The following RHOT1 variants were observed in gnomAD, a reference collection of about 807,000 sequenced individuals.
RHOT1 encodes mitochondrial Rho GTPase 1.
Under a neutral mutation model 95.3 loss-of-function variants are expected in RHOT1, and 27 were observed. That is an observed-to-expected ratio of 0.28 (90% CI 0.21 to 0.39). The LOEUF (loss-of-function observed/expected upper bound fraction) is 0.39, where lower values mean the gene tolerates loss of function less well. Among genes scored for constraint, RHOT1 ranks in the 10% least tolerant of loss-of-function variants. The pLI is 1.00. For missense variants in RHOT1, 578 were observed against 786.7 expected, an observed-to-expected ratio of 0.73 and a Z score of 3.17; for synonymous variants, 227 against 263.5, an observed-to-expected ratio of 0.86 and a Z score of 1.34.
chr17:32,149,689 TCACA>T (rs1221613373), intron 1 of RHOT1, among the ~76,000 whole-genome samples: 4 of 107,014 alleles, frequency 3.7e-5, no homozygotes, highest in South Asian at 2.9e-4. Context: ...ATACATACAC[TCACA>T]CACATATATA....
chr17:32,194,739 C>A (rs923029378), intron 11 of RHOT1, among the ~76,000 whole-genome samples: 6 of 151,604 alleles, frequency 4.0e-5, no homozygotes, highest in Admixed American at 1.3e-4. Context: ...TTACATTGTT[C>A]TTCTCCCTCA....
At chr17:32,211,415 T>G in intron 19 of RHOT1, 177 bp downstream of exon 19, 1 of 467,048 alleles carries the variant, frequency 2.1e-6, no homozygotes, top group South Asian at 7.2e-5. Flanking sequence ...TCCTTAATAA[T>G]GTTTTTAAAT....
intron 6 of RHOT1, among the ~76,000 whole-genome samples, chr17:32,180,923 A>T (rs1228914911): frequency 6.6e-6 from 1 of 152,210 alleles, no homozygotes; most frequent in Non-Finnish European, 1.5e-5. Flanking sequence ...GGTCTCAAGC[A>T]GTCCTTCCGC....
In RHOT1 at chr17:32,176,176, A is replaced by C; in HGVS notation, c.292A>C (p.Ile98Leu). ...TTCATTTTAGGTAACAAGTCGATGG[A>C]TTCCTCTCATAAATGAAAGAACAGA... Reference protein sequence around the residue: ...HSIDKVTSRWIPLINERTDKD... With the variant: ...HSIDKVTSRWLPLINERTDKD... The change falls in exon 6 of 20, where the codon ATT (isoleucine) becomes CTT (leucine). Residue 98 changes from isoleucine to leucine, a missense_variant. Ile to Leu is a conservative substitution (Grantham distance 5). Transcript: ENST00000545287. The C allele has an allele frequency of 6.2e-7, 1 of 1,611,648 alleles. No homozygotes were observed. The highest frequency in any genetic ancestry group is 2.2e-5 in the East Asian group (1 of 44,806).
intron 1 of RHOT1, among the ~76,000 whole-genome samples, chr17:32,156,965 A>T (rs1329119204): frequency 6.6e-6 from 1 of 152,242 alleles, no homozygotes; most frequent in Non-Finnish European, 1.5e-5. Context: ...TATTTTATAG[A>T]TGAATAAGCA....
chr17:32,189,162 G>A (rs969163693), intron 8 of RHOT1, among the ~76,000 whole-genome samples: 3 of 152,164 alleles, frequency 2.0e-5, no homozygotes, highest in African/African-American at 2.4e-5. Context: ...AGCTGGGCGT[G>A]GTGGCGGGCA....
chr17:32,150,592 C>T lies in RHOT1; in HGVS notation c.37+7863C>T, dbSNP rs2032161737. 5 of 1,587,844 alleles carry T rather than the reference C, an allele frequency of 3.1e-6. No homozygotes were observed. In the African/African-American group the frequency reaches 4.0e-5, roughly 13 times the overall value. ...GGTGCTGAGAGAGGAACCCTGTCCT[C>T]CTACCTGGTACTTTGTGAGTGAGAG... On this transcript the variant is annotated intron_variant, in intron 1 of 19. Transcript: ENST00000545287.
At chr17:32,143,379 T>C (rs2030749986) in intron 1 of RHOT1, among the ~76,000 whole-genome samples, 1 of 152,250 alleles carries the variant, frequency 6.6e-6, no homozygotes, top group Non-Finnish European at 1.5e-5. Context: ...TAACTCCTCG[T>C]ACTCGAGATA....
intron 10 of RHOT1, 41 bp from the exon 11 acceptor site, chr17:32,193,946 G>A (rs1369636967): frequency 1.2e-6 from 2 of 1,600,696 alleles, no homozygotes; most frequent in Admixed American, 1.7e-5. Flanking sequence ...TTTCTCCTAT[G>A]TGACTCTGTA....
At chr17:32,180,124 GC>G (rs200347081) in intron 6 of RHOT1, 1 of 154,542 alleles carries the variant, frequency 6.5e-6, no homozygotes, top group Non-Finnish European at 1.4e-5. Flanking sequence ...CTGCCCGGCC[GC>G]CCTATCTGGG....
intron 19 of RHOT1, among the ~76,000 whole-genome samples, chr17:32,216,377 C>T (rs935564066): frequency 6.6e-6 from 1 of 151,934 alleles, no homozygotes; most frequent in African/African-American, 2.4e-5. Context: ...TTCCTTTGTG[C>T]ATATTTTGGT....
intron 1 of RHOT1, among the ~76,000 whole-genome samples, chr17:32,146,549 C>T (rs909091428): frequency 6.8e-6 from 1 of 148,042 alleles, no homozygotes; most frequent in African/African-American, 2.5e-5. Context: ...AGGTTCAGGC[C>T]AGTCTCCTGC....
In RHOT1 at chr17:32,142,528, A is replaced by G; in HGVS notation, c.-165A>G. ...CAGCCCGCTGGGCCGGAGGAGGCGG[A>G]GCTGGCGCTGTCCCGGCTCTCTTGC... On this transcript the variant is annotated 5_prime_UTR_variant, in exon 1 of 20. Transcript: ENST00000545287. 1 of 504,620 alleles carries G rather than the reference A, an allele frequency of 2.0e-6. No individual in the cohort carries two copies. The highest frequency in any genetic ancestry group is 3.2e-6 in the Non-Finnish European group (1 of 310,786). 31.3% of individuals were successfully genotyped at this position (504,620 alleles called of 1,614,324 possible).
At chr17:32,157,759 A>AT (rs2033109334) in intron 1 of RHOT1, among the ~76,000 whole-genome samples, 1 of 151,902 alleles carries the variant, frequency 6.6e-6, no homozygotes, top group African/African-American at 2.4e-5. Context: ...GTGAGCTGAG[A>AT]TCATGCCATT....
At chr17:32,215,305 G>C (rs2038401135) in intron 19 of RHOT1, among the ~76,000 whole-genome samples, 1 of 152,006 alleles carries the variant, frequency 6.6e-6, no homozygotes, top group African/African-American at 2.4e-5. Context: ...TAAAAATTTT[G>C]GTCACTGAAA....
intron 8 of RHOT1, among the ~76,000 whole-genome samples, chr17:32,185,431 A>G (rs562286089): frequency 4.0e-5 from 6 of 151,754 alleles, no homozygotes; most frequent in African/African-American, 9.7e-5. Context: ...TTTTTGGGTC[A>G]GGGCCTTACT....
At chr17:32,143,100 G>A in intron 1 of RHOT1, 3 of 594,234 alleles carry the variant, frequency 5.0e-6, no homozygotes, top group South Asian at 4.6e-5. Context: ...TTCCCAGGCC[G>A]CCTCCTTTCA....
chr17:32,207,121 A>G lies in RHOT1; in HGVS notation c.1536+92A>G, dbSNP rs534941759. The G allele has an allele frequency of 2.5e-6, 3 of 1,200,854 alleles. No individual in the cohort carries two copies. In the East Asian group the frequency reaches 7.3e-5, roughly 29 times the overall value. The allele number at this position is 1,200,854 out of a possible 1,614,324, so 74.4% of individuals were successfully genotyped here. On this transcript the variant is annotated intron_variant, in intron 17 of 19. Coordinates refer to ENST00000545287, the MANE Select transcript of RHOT1 (RefSeq NM_001033566.3). The stretch of plus-strand genomic sequence containing the variant: ...GGTGTTTCCTAACCACAAAAATGCA[A>G]CAAAATCATGTGTATTTTAAAAATA...
chr17:32,158,529 G>A (rs1192455747), intron 1 of RHOT1, among the ~76,000 whole-genome samples: 2 of 151,788 alleles, frequency 1.3e-5, no homozygotes, highest in Non-Finnish European at 2.9e-5. Context: ...ATGCAATCTC[G>A]GCTCACTGCA....
Sources: gnomAD v4.1 joint callset for allele counts (sites outside exome capture counted in the v4.1 genomes callset) on GRCh38, gnomAD v4.1.1 for gene constraint, MANE v1.5 for transcripts, NCBI Gene and HGNC (gene_info 2026-07-23, HGNC 2026-07-21) for gene names.